The following TSNARE1 variants were observed in gnomAD, a reference collection of about 807,000 sequenced individuals.
TSNARE1 encodes t-SNARE domain containing 1.
TSNARE1 carries 49 observed loss-of-function variants against 62.0 expected under a neutral mutation model. The ratio of observed to expected loss-of-function variants is 0.79; its 90% CI spans 0.63 to 1.00. The LOEUF (loss-of-function observed/expected upper bound fraction) is 1.00, where lower values mean the gene tolerates loss of function less well. Ranked by LOEUF, TSNARE1 falls within the 50% of genes least tolerant of loss-of-function variation. The pLI, the probability that TSNARE1 is intolerant of heterozygous loss-of-function variation, is 0.00. For missense variants in TSNARE1, 755 were observed against 700.1 expected (o/e 1.08, Z -0.88); for synonymous variants, 328 against 294.4 (o/e 1.11, Z -1.17).
intron 10 of TSNARE1, among the ~76,000 whole-genome samples, chr8:142,296,615 T>C (rs565992294): frequency 2.6e-5 from 4 of 151,794 alleles, no homozygotes; most frequent in African/African-American, 4.8e-5. Context: ...GCTCACCTTC[T>C]GTCAGGGCAG....
At chr8:142,275,333 G>A (rs535786843) in intron 11 of TSNARE1, 24 of 985,292 alleles carry the variant, frequency 2.4e-5, no homozygotes, top group Non-Finnish European at 2.8e-5. Flanking sequence ...TTTGCCACAC[G>A]CACTGGCCCT....
In TSNARE1 at chr8:142,330,893, ACACT is replaced by A. The variant is rs747383929; in HGVS notation, c.893+4_893+7del. On this transcript the variant is annotated splice_donor_5th_base_variant and intron_variant, in intron 6 of 13. Coordinates refer to ENST00000524325, the MANE Select transcript of TSNARE1 (RefSeq NM_145003.5). Reference sequence around the variant, plus strand: ...CAGGCAAAGAGATACCATGGCCCACACACTCACAGGCTGTCCCGAAGCTCCTGCG... The same window carrying A: ...CAGGCAAAGAGATACCATGGCCCACACACAGGCTGTCCCGAAGCTCCTGCG... 4 of 1,613,814 alleles carry A rather than the reference ACACT, an allele frequency of 2.5e-6. No individual in the cohort carries two copies. In the African/African-American group the frequency reaches 5.3e-5, roughly 22 times the overall value.
chr8:142,283,510 C>CAGTT (rs1822089692), intron 11 of TSNARE1, among the ~76,000 whole-genome samples: 1 of 139,312 alleles, frequency 7.2e-6, no homozygotes, highest in African/African-American at 2.8e-5. Context: ...GAGGCGGGAC[C>CAGTT]AGTGTCTGTC....
At chr8:142,378,418 A>G (rs2131165683) in intron 1 of TSNARE1, among the ~76,000 whole-genome samples, 1 of 152,372 alleles carries the variant, frequency 6.6e-6, no homozygotes, top group South Asian at 2.1e-4. Flanking sequence ...TGGCACGAGC[A>G]AAGACAGCCA....
chr8:142,264,851 T>TA (rs1819054431), intron 12 of TSNARE1, among the ~76,000 whole-genome samples: 1 of 152,214 alleles, frequency 6.6e-6, no homozygotes, highest in South Asian at 2.1e-4. Context: ...TGACAGTCCT[T>TA]AACTCTGATG....
At chr8:142,381,956 C>T (rs1836786207) in intron 1 of TSNARE1, among the ~76,000 whole-genome samples, 1 of 152,180 alleles carries the variant, frequency 6.6e-6, no homozygotes, top group Non-Finnish European at 1.5e-5. Flanking sequence ...CCCAGTCCTC[C>T]CCTCGGTGAG....
In TSNARE1 at chr8:142,279,370, A is replaced by T. The variant is rs180694174; in HGVS notation, c.1364-4507T>A. 2.6e-3 allele frequency among the ~76,000 whole-genome samples: 394 copies of T among 152,272 alleles called. 1 individual carries two copies. The highest frequency in any genetic ancestry group is 4.7e-3 in the Non-Finnish European group (317 of 68,006). ...GGCCAAGATGGGGGCCTTGGAGGGC[A>T]CCAGGGCACCCTGGGCTGCACCCGC... On this transcript the variant is annotated intron_variant, in intron 11 of 13. Transcript: ENST00000524325.
At chr8:142,256,312 ATCACCACCATCACCAT>A in intron 12 of TSNARE1, among the ~76,000 whole-genome samples, 1 of 137,884 alleles carries the variant, frequency 7.3e-6, no homozygotes, top group Non-Finnish European at 1.6e-5. Flanking sequence ...CACCACCATC[ATCACCACCATCACCAT>A]CTTTGCCACC....
chr8:142,359,419 A>T (rs1834992453), intron 1 of TSNARE1, among the ~76,000 whole-genome samples: 1 of 152,090 alleles, frequency 6.6e-6, no homozygotes, highest in African/African-American at 2.4e-5. Flanking sequence ...CCAGATCGGA[A>T]ACCCTGTCTC....
Position 142,391,457 on chromosome 8 carries a change from G to A in TSNARE1, c.-40+11647C>T, listed in dbSNP as rs905432779. ...CTGCTGGGGACTTTAAAATAGACAC[G>A]GTCCCCACTTGCAACATTGCAGGTG... On this transcript the variant is annotated intron_variant, in intron 1 of 13. Transcript: ENST00000524325. Among the ~76,000 whole-genome samples the A allele has an allele frequency of 1.2e-4, 18 of 152,278 alleles. No homozygotes were observed. In the Middle Eastern group the frequency reaches 0.01, roughly 86 times the overall value.
chr8:142,334,252 G>A (rs897902011), intron 4 of TSNARE1, among the ~76,000 whole-genome samples: 1 of 152,168 alleles, frequency 6.6e-6, no homozygotes. Context: ...CTACCCCATG[G>A]CTGTGCTGGA....
Position 142,291,525 on chromosome 8 carries a change from C to T in TSNARE1, c.1291-7040G>A, listed in dbSNP as rs1823746628. Among the ~76,000 whole-genome samples the T allele has an allele frequency of 6.6e-6, 1 of 151,324 alleles. No individual in the cohort carries two copies. The highest frequency in any genetic ancestry group is 2.1e-4 in the South Asian group (1 of 4,734). On this transcript the variant is annotated intron_variant, in intron 10 of 13. Transcript: ENST00000524325. This position sits in a 1 kb window ranked among gnomAD's most constrained non-coding sequence, Gnocchi z 4.8. ...CTCACCCAGCCCCCGACCCAGCCCT[C>T]CTCCACCCACCCCACCCAGCACTGC...
At chr8:142,213,961 C>T (rs1333345169) in intron 13 of TSNARE1, among the ~76,000 whole-genome samples, 1 of 151,488 alleles carries the variant, frequency 6.6e-6, no homozygotes, top group Non-Finnish European at 1.5e-5. Context: ...TCAGAGCCAG[C>T]CCCCCCGGGA....
chr8:142,234,877 C>G (rs187260819), intron 12 of TSNARE1, among the ~76,000 whole-genome samples: 2 of 151,872 alleles, frequency 1.3e-5, no homozygotes, highest in Admixed American at 1.3e-4. Flanking sequence ...AACATCCTCA[C>G]CCCAACTCCA....
chr8:142,346,677 A>G (rs997320810), intron 2 of TSNARE1, among the ~76,000 whole-genome samples: 1 of 152,228 alleles, frequency 6.6e-6, no homozygotes, highest in Non-Finnish European at 1.5e-5. Context: ...CTGGTAGGTC[A>G]CAAGGATGCT....
chr8:142,245,260 A>G (rs1194864154), intron 12 of TSNARE1, among the ~76,000 whole-genome samples: 2 of 152,190 alleles, frequency 1.3e-5, no homozygotes, highest in Non-Finnish European at 2.9e-5. Flanking sequence ...CTGGAAAGCA[A>G]TTCAGTCTCA....
At chr8:142,235,853 C>G (rs1180683520) in intron 12 of TSNARE1, among the ~76,000 whole-genome samples, 4 of 152,100 alleles carry the variant, frequency 2.6e-5, no homozygotes, top group Non-Finnish European at 5.9e-5. Context: ...GGAGTCCTGT[C>G]TTTTAGGGAG....
intron 6 of TSNARE1, among the ~76,000 whole-genome samples, chr8:142,323,520 G>A (rs1003274733): frequency 2.0e-5 from 3 of 152,346 alleles, no homozygotes; most frequent in South Asian, 2.1e-4. Flanking sequence ...GGGAGGCCTC[G>A]TGAGGGGCAA....
At position 142,217,878 on chromosome 8, in the gene TSNARE1, G is replaced by GGTC. The variant is rs1563750903; in HGVS notation, c.*12-5566_*12-5565insGAC. ...GGATCAGGGCTCAGTGTGTGGCCAG[G>GGTC]ATCAGGGCTCAGTGTGTGACCAGGA... On this transcript the variant is annotated intron_variant, in intron 13 of 13. Transcript: ENST00000524325. Among the ~76,000 whole-genome samples the GGTC allele has an allele frequency of 1.9e-4, 7 of 37,236 alleles. 1 individual carries two copies. The highest frequency in any genetic ancestry group is 6.0e-4 in the Admixed American group (2 of 3,354). 24.4% of individuals were successfully genotyped at this position (37,236 alleles called of 152,430 possible).
Sources: gnomAD v4.1 joint callset for allele counts (sites outside exome capture counted in the v4.1 genomes callset) on GRCh38, gnomAD v4.1.1 for gene constraint, Gnocchi (gnomAD v3.1) non-coding constraint, MANE v1.5 for transcripts, NCBI Gene and HGNC (gene_info 2026-07-23, HGNC 2026-07-21) for gene names.